Variants in TPD52L1 observed in about 807,000 individuals in gnomAD.
TPD52L1 encodes TPD52 like 1.
A neutral mutation model predicts 28.7 loss-of-function variants in TPD52L1; 18 were observed. The ratio of observed to expected loss-of-function variants is 0.63; its 90% CI spans 0.43 to 0.93. The LOEUF is 0.93. TPD52L1 is among the 40% of genes least tolerant of loss of function. The probability of loss-of-function intolerance (pLI) is 0.00; values close to 1 mark genes in which losing one functional copy is unlikely to be tolerated. For synonymous variants in TPD52L1, 75 were observed against 88.8 expected, an observed-to-expected ratio of 0.84 and a Z score of 0.88; for missense variants, 203 against 254.8, an observed-to-expected ratio of 0.80 and a Z score of 1.39.
At chr6:125,217,339 T>A (rs1337478592) in intron 1 of TPD52L1, among the ~76,000 whole-genome samples, 1 of 152,140 alleles carries the variant, frequency 6.6e-6, no homozygotes, top group Non-Finnish European at 1.5e-5. Context: ...CTCACCATAA[T>A]GTAAAATCAG....
At chr6:125,172,103 T>TCC (rs1562209840) in intron 1 of TPD52L1, among the ~76,000 whole-genome samples, 438 of 54,472 alleles carry the variant, frequency 8.0e-3, no homozygotes, top group African/African-American at 0.021. Context: ...TCTTTCCCTT[T>TCC]CTTTCTTTCT....
intron 6 of TPD52L1, chr6:125,260,968 GAAAGAAAGAAAAGAAAAGAAAGAAAGAAA>G (rs1797935512): frequency 2.2e-5 from 1 of 44,582 alleles, no homozygotes; most frequent in Non-Finnish European, 3.6e-5. Flanking sequence ...AAGAAAGAAA[GAAAGAAAGAAAAGAAAAGAAAGAAAGAAA>G]GAAAGAAAGA....
At chr6:125,239,384 A>G (rs1562356755) in intron 3 of TPD52L1, among the ~76,000 whole-genome samples, 2 of 152,212 alleles carry the variant, frequency 1.3e-5, no homozygotes, top group South Asian at 2.1e-4. Context: ...ACAGTTCCAC[A>G]TGGCTGGGAA....
chr6:125,205,027 T>C lies in TPD52L1; in HGVS notation c.20-15051T>C, dbSNP rs561210544. ...CCACAATGTTTAGCAAATAATCTTT[T>C]GCTGTTCATTTGGTTTTTCAAGTAG... On this transcript the variant is annotated intron_variant, in intron 1 of 6. Coordinates refer to ENST00000534000, the MANE Select transcript of TPD52L1 (RefSeq NM_003287.4). Among the ~76,000 whole-genome samples, 12 of 152,354 alleles carry C rather than the reference T, an allele frequency of 7.9e-5. No homozygotes were observed. The South Asian group carries it at 2.3e-3, about 29-fold the overall frequency.
At chr6:125,218,366 A>C (rs1795016784) in intron 1 of TPD52L1, among the ~76,000 whole-genome samples, 1 of 152,200 alleles carries the variant, frequency 6.6e-6, no homozygotes, top group Non-Finnish European at 1.5e-5. Context: ...GAAGTCAAGC[A>C]TGCTTTCCTG....
intron 1 of TPD52L1, among the ~76,000 whole-genome samples, chr6:125,215,474 A>G (rs894378310): frequency 2.0e-5 from 3 of 152,202 alleles, no homozygotes; most frequent in African/African-American, 7.2e-5. Flanking sequence ...ACAAGATGTA[A>G]CAGGGAAAAA....
intron 5 of TPD52L1, among the ~76,000 whole-genome samples, chr6:125,255,288 A>G (rs1326293986): frequency 6.6e-6 from 1 of 152,194 alleles, no homozygotes; most frequent in Non-Finnish European, 1.5e-5. Flanking sequence ...CCATTTCCTC[A>G]CTGTGGGCCT....
At chr6:125,179,769 G>C (rs1260053516) in intron 1 of TPD52L1, among the ~76,000 whole-genome samples, 1 of 152,064 alleles carries the variant, frequency 6.6e-6, no homozygotes, top group Non-Finnish European at 1.5e-5. Flanking sequence ...TGTTCATTCA[G>C]TTATCCCACT....
intron 1 of TPD52L1, among the ~76,000 whole-genome samples, chr6:125,165,092 A>ATATATATATTTATT: frequency 9.6e-6 from 1 of 104,200 alleles, no homozygotes; most frequent in African/African-American, 6.1e-5. Context: ...AAAGATATAT[A>ATATATATATTTATT]TATATATTTT....
chr6:125,186,968 A>G (rs1792678227), intron 1 of TPD52L1, among the ~76,000 whole-genome samples: 1 of 152,220 alleles, frequency 6.6e-6, no homozygotes, highest in African/African-American at 2.4e-5. Context: ...TAGGCATTTT[A>G]TCCTTTATGA....
At chr6:125,212,416 A>G (rs1794585219) in intron 1 of TPD52L1, among the ~76,000 whole-genome samples, 1 of 152,228 alleles carries the variant, frequency 6.6e-6, no homozygotes, top group Admixed American at 6.5e-5. Context: ...CTACTGATCC[A>G]AAATCATAGT....
intron 1 of TPD52L1, among the ~76,000 whole-genome samples, chr6:125,172,549 T>TACACACACAC (rs1554202699): frequency 5.4e-4 from 50 of 92,046 alleles, no homozygotes; most frequent in Non-Finnish European, 7.3e-4. Flanking sequence ...TATATATATA[T>TACACACACAC]ATAATATATA....
At chr6:125,181,584 G>T (rs979974525) in intron 1 of TPD52L1, among the ~76,000 whole-genome samples, 3 of 152,222 alleles carry the variant, frequency 2.0e-5, no homozygotes, top group African/African-American at 7.2e-5. Context: ...GACCTAAATT[G>T]AAGCATGTGT....
At chr6:125,248,536 A>G (rs1797058629) in intron 4 of TPD52L1, 153 bp downstream of exon 4, 1 of 612,394 alleles carries the variant, frequency 1.6e-6, no homozygotes, top group Non-Finnish European at 2.8e-6. Flanking sequence ...GACTAAGATA[A>G]ATTTTCACAC....
chr6:125,166,348 C>T (rs543071288), intron 1 of TPD52L1, among the ~76,000 whole-genome samples: 5 of 152,230 alleles, frequency 3.3e-5, no homozygotes, highest in African/African-American at 7.2e-5. Context: ...TACATAAAGA[C>T]GTCATGGAAA....
At chr6:125,221,860 G>A (rs767752910) in intron 2 of TPD52L1, 1 of 152,140 alleles carries the variant, frequency 6.6e-6, no homozygotes, top group Non-Finnish European at 1.5e-5. Context: ...TTCATGTTTT[G>A]CACTAGCCTC....
chr6:125,160,850 C>CTTTTT (rs57061570), intron 1 of TPD52L1, among the ~76,000 whole-genome samples: 15 of 129,440 alleles, frequency 1.2e-4, no homozygotes, highest in South Asian at 2.5e-4. Context: ...ACAGAGATGA[C>CTTTTT]TTTTTTTTTT....
chr6:125,169,607 C>A (rs1298265320), intron 1 of TPD52L1, among the ~76,000 whole-genome samples: 1 of 152,214 alleles, frequency 6.6e-6, no homozygotes, highest in Non-Finnish European at 1.5e-5. Context: ...CATGCCAGCT[C>A]TACTTTCAAG....
intron 1 of TPD52L1, chr6:125,154,584 CG>C (rs1166576215): frequency 3.0e-5 from 29 of 969,552 alleles, no homozygotes; most frequent in Non-Finnish European, 3.6e-5. Flanking sequence ...CCGTGGCGCG[CG>C]GGGCCCCCGG....
Sources: allele counts gnomAD v4.1 joint callset (sites outside exome capture counted in the v4.1 genomes callset), GRCh38; gene constraint gnomAD v4.1.1; transcripts MANE v1.5; gene names NCBI Gene and HGNC (gene_info 2026-07-23, HGNC 2026-07-21).